FBXW8: variants seen among roughly 807,000 people sequenced by gnomAD.
FBXW8 encodes the protein F-box and WD repeat domain containing 8.
A neutral mutation model predicts 65.3 loss-of-function variants in FBXW8; 57 were observed. The observed-to-expected ratio is 0.87, with a 90% confidence interval of 0.71 to 1.09. The LOEUF (loss-of-function observed/expected upper bound fraction) is 1.09, where lower values mean the gene tolerates loss of function less well. FBXW8 is among the 50% of genes least tolerant of loss of function. The probability of loss-of-function intolerance (pLI) is 0.00; values close to 1 mark genes in which losing one functional copy is unlikely to be tolerated. For synonymous variants in FBXW8, 308 were observed against 330.2 expected, an observed-to-expected ratio of 0.93 and a Z score of 0.73; for missense variants, 777 against 814.8, an observed-to-expected ratio of 0.95 and a Z score of 0.57.
chr12:117,029,069 A>G lies in FBXW8; in HGVS notation c.*897A>G, dbSNP rs1309281946. ...GCAGGCAAATCAGTGAGAAAAATGTAAAGATCTGGAGGATTTACTTAGTAT... is the reference window on the plus strand; with the variant it reads ...GCAGGCAAATCAGTGAGAAAAATGTGAAGATCTGGAGGATTTACTTAGTAT... On this transcript the variant is annotated 3_prime_UTR_variant, in exon 11 of 11. Coordinates refer to ENST00000652555, the MANE Select transcript of FBXW8 (RefSeq NM_153348.3). 1 of 152,254 alleles carries G rather than the reference A, an allele frequency of 6.6e-6. No homozygotes were observed. The highest frequency in any genetic ancestry group is 2.4e-5 in the African/African-American group (1 of 41,466). 9.4% of individuals were successfully genotyped at this position (152,254 alleles called of 1,614,324 possible). A position where few individuals can be genotyped will look rare whatever the true frequency, so the allele number is the denominator to read the frequency against.
intron 7 of FBXW8, among the ~76,000 whole-genome samples, chr12:116,997,684 A>G (rs1953408090): frequency 1.3e-5 from 2 of 152,204 alleles, no homozygotes; most frequent in African/African-American, 4.8e-5. Flanking sequence ...AAGCAGCACC[A>G]GGTATATTCA....
At chr12:116,927,701 G>A (rs4767473) in intron 1 of FBXW8, among the ~76,000 whole-genome samples, 123,102 of 152,090 alleles carry the variant, frequency 0.81, 50,560 homozygotes, top group East Asian at 0.95. Flanking sequence ...AGACCTTGAC[G>A]GTGATTCCTG....
intron 5 of FBXW8, among the ~76,000 whole-genome samples, chr12:116,983,809 CAGAA>C (rs1565926127): frequency 2.6e-5 from 4 of 152,298 alleles, no homozygotes; most frequent in South Asian, 2.1e-4. Flanking sequence ...AAATAAAAGA[CAGAA>C]AGGAATGGTC....
At chr12:116,939,014 A>G in intron 2 of FBXW8, among the ~76,000 whole-genome samples, 1 of 152,210 alleles carries the variant, frequency 6.6e-6, no homozygotes, top group Non-Finnish European at 1.5e-5. Context: ...AGTGCCCAGT[A>G]CATGGTTAGT....
intron 2 of FBXW8, 44 bp downstream of exon 2, chr12:116,928,171 G>A (rs1881481056): frequency 8.2e-7 from 1 of 1,224,586 alleles, no homozygotes; most frequent in East Asian, 2.3e-5. Context: ...CTAAATGTGT[G>A]ATTAAGGTAT....
Position 116,911,094 on chromosome 12 carries a change from G to T in FBXW8, c.57G>T (p.Gln19His), listed in dbSNP as rs1879880100. 2 of 1,431,230 alleles carry T rather than the reference G, an allele frequency of 1.4e-6. No individual in the cohort carries two copies. Among genetic ancestry groups the T allele is most frequent in the Non-Finnish European group, 1.8e-6 (2 of 1,101,416 alleles). 88.7% of individuals were successfully genotyped at this position (1,431,230 alleles called of 1,614,324 possible). The change falls in exon 1 of 11, where the codon CAG becomes CAT. Residue 19 changes from glutamine (Q) to histidine (H), a missense_variant. Transcript: ENST00000652555. The stretch of plus-strand genomic sequence containing the variant: ...GGCGCTGGCAGGAGGAGCTGGCGCA[G>T]GCCCAGGCGCCGAAGAAGCGGCGAC... ...FRRRWQEELA[Q>H]AQAPKKRRRP...
At chr12:117,007,543 A>C (rs1295632765) in intron 7 of FBXW8, among the ~76,000 whole-genome samples, 1 of 152,244 alleles carries the variant, frequency 6.6e-6, no homozygotes, top group African/African-American at 2.4e-5. Flanking sequence ...GGTACTTAAA[A>C]GGAACCATCC....
At position 117,010,464 on chromosome 12, in the gene FBXW8, A is replaced by G. The variant is rs1276887906; in HGVS notation, c.1367+14A>G. 6.2e-7 allele frequency: 1 copy of G among 1,614,202 alleles called. No individual in the cohort carries two copies. The highest frequency in any genetic ancestry group is 8.5e-7 in the Non-Finnish European group (1 of 1,180,022). On this transcript the variant is annotated intron_variant, in intron 8 of 10. Coordinates refer to ENST00000652555, the MANE Select transcript of FBXW8 (RefSeq NM_153348.3). ...CATGGACGGGAGGTACGTGAGTTGG[A>G]AGGGCATTGCCTTGCAGCCCCATGG...
At chr12:117,027,269 C>G in intron 9 of FBXW8, 125 bp from the exon 10 acceptor site, 1 of 732,838 alleles carries the variant, frequency 1.4e-6, no homozygotes. Flanking sequence ...CCTGTTCCCT[C>G]TGTGAAAGAG....
Position 117,028,939 on chromosome 12 carries a change from G to C in FBXW8, c.*767G>C, listed in dbSNP as rs527878034. ...GGAAGCAAGCCATTGCCTTACTCTT[G>C]ATTTTCAACAGTTCTAAACAGCAAC... On this transcript the variant is annotated 3_prime_UTR_variant, in exon 11 of 11. Coordinates refer to ENST00000652555, the MANE Select transcript of FBXW8 (RefSeq NM_153348.3). The surrounding 1 kb of genome is among the most constrained non-coding windows in gnomAD (Gnocchi z 4.1). 2.0e-5 allele frequency: 3 copies of C among 152,324 alleles called. No individual in the cohort carries two copies. Among genetic ancestry groups the C allele is most frequent in the South Asian group, 2.1e-4 (1 of 4,822 alleles). 9.4% of individuals were successfully genotyped at this position (152,324 alleles called of 1,614,324 possible).
chr12:117,026,287 C>T (rs56969257), intron 9 of FBXW8, among the ~76,000 whole-genome samples: 2,518 of 136,816 alleles, frequency 0.018, 14 homozygotes, highest in African/African-American at 0.057. Context: ...CTTCAGTCCT[C>T]CAGGCTGCAG....
At position 116,936,224 on chromosome 12, in the gene FBXW8, A is replaced by G. The variant is rs532462336; in HGVS notation, c.423+8097A>G. ...CTGTGCAGATCTCTGGCAGAGTGGA[A>G]TAGCAAGGACGAAGGACTTGAGGCA... On this transcript the variant is annotated intron_variant, in intron 2 of 10. Transcript: ENST00000652555. This position sits in a 1 kb window ranked among gnomAD's most constrained non-coding sequence, Gnocchi z 4.6. Among the ~76,000 whole-genome samples the G allele has an allele frequency of 4.6e-5, 7 of 152,304 alleles. No individual in the cohort carries two copies. The highest frequency in any genetic ancestry group is 1.7e-4 in the African/African-American group (7 of 41,570).
intron 8 of FBXW8, among the ~76,000 whole-genome samples, chr12:117,014,223 T>G (rs779745146): frequency 3.3e-5 from 5 of 152,206 alleles, no homozygotes; most frequent in Non-Finnish European, 7.3e-5. Context: ...GTTGAGCCTA[T>G]CCAGTGAATC....
At chr12:116,983,240 C>T (rs374219494) in intron 5 of FBXW8, among the ~76,000 whole-genome samples, 2 of 152,234 alleles carry the variant, frequency 1.3e-5, no homozygotes, top group Admixed American at 6.5e-5. Context: ...ATGGGAGAGC[C>T]GATCTCCCAT....
At chr12:117,025,096 C>T (rs1954193119) in intron 9 of FBXW8, among the ~76,000 whole-genome samples, 1 of 152,178 alleles carries the variant, frequency 6.6e-6, no homozygotes, top group African/African-American at 2.4e-5. Context: ...ACCACCTCTA[C>T]CTGGCCCTGC....
At chr12:116,953,634 A>C (rs1340893350) in intron 4 of FBXW8, among the ~76,000 whole-genome samples, 1 of 151,828 alleles carries the variant, frequency 6.6e-6, no homozygotes, top group Non-Finnish European at 1.5e-5. Flanking sequence ...TTATCCGGGC[A>C]TGGTGGCGAG....
In FBXW8 at chr12:116,988,729, C is replaced by G; in HGVS notation, c.1099C>G (p.Leu367Val). The stretch of plus-strand genomic sequence containing the variant: ...TGTGGCAGTAGCCGCTGCTGGAGAT[C>G]TGATGTACCTGCTCAAAGCCGAAGA... The part of the protein sequence containing the change: ...YPVAVAAAGD[L>V]MYLLKAEDSA... The change falls in exon 7 of 11, where the codon CTG becomes GTG. Residue 367 changes from leucine to valine, a missense_variant. Physicochemically the swap from Leu to Val is conservative, Grantham distance 32 (BLOSUM62 1). Transcript: ENST00000652555. 6.2e-7 allele frequency: 1 copy of G among 1,614,152 alleles called. No individual in the cohort carries two copies. Among genetic ancestry groups the G allele is most frequent in the Non-Finnish European group, 8.5e-7 (1 of 1,180,040 alleles).
At chr12:116,995,003 T>C (rs532088084) in intron 7 of FBXW8, among the ~76,000 whole-genome samples, 1 of 152,220 alleles carries the variant, frequency 6.6e-6, no homozygotes, top group Non-Finnish European at 1.5e-5. Flanking sequence ...TTGGACGGCT[T>C]TTCTCTGATA....
Position 116,985,224 on chromosome 12 carries a change from A to T in FBXW8, c.854A>T (p.Asp285Val). 6.2e-7 allele frequency: 1 copy of T among 1,604,728 alleles called. No homozygotes were observed. The highest frequency in any genetic ancestry group is 8.5e-7 in the Non-Finnish European group (1 of 1,177,140). Residue 285 changes from aspartate to valine, a missense_variant, in exon 6 of 11, where the codon GAT (aspartate) becomes GTT (valine). Asp to Val is a radical substitution (Grantham distance 152). Coordinates refer to ENST00000652555, the MANE Select transcript of FBXW8 (RefSeq NM_153348.3). ...TGCATAGGGTTTCTTAATATTTGGGATTTAAGGACCGGAAAGTACCCTGTT... is the reference window on the plus strand; with the variant it reads ...TGCATAGGGTTTCTTAATATTTGGGTTTTAAGGACCGGAAAGTACCCTGTT... ...AYEDGFLNIW[D>V]LRTGKYPVHR...
Sources: gnomAD v4.1 joint callset for allele counts (sites outside exome capture counted in the v4.1 genomes callset) on GRCh38, gnomAD v4.1.1 for gene constraint, Gnocchi (gnomAD v3.1) non-coding constraint, MANE v1.5 for transcripts, NCBI Gene and HGNC (gene_info 2026-07-23, HGNC 2026-07-21) for gene names.